The following MEIOSIN variants were observed in gnomAD, a reference collection of about 807,000 sequenced individuals.
MEIOSIN encodes the protein meiosis initiator, also known as meiosis initiator protein.
MEIOSIN carries 18 observed loss-of-function variants against 23.4 expected under a neutral mutation model. The observed-to-expected ratio is 0.77, with a 90% CI of 0.53 to 1.14. The LOEUF (loss-of-function observed/expected upper bound fraction) is 1.14. MEIOSIN is among the 50% of genes most tolerant of loss of function. The probability of loss-of-function intolerance (pLI) is 0.00; values close to 1 mark genes in which losing one functional copy is unlikely to be tolerated. For synonymous variants in MEIOSIN, 187 were observed against 100.6 expected, an observed-to-expected ratio of 1.86 and a Z score of -5.14; for missense variants, 428 against 242.9, an observed-to-expected ratio of 1.76 and a Z score of -5.07.
chr19:45,750,772 A>T lies in MEIOSIN; in HGVS notation c.404A>T (p.Glu135Val), dbSNP rs1347394447. ...ALFKCHITTGEGGLAGLGQKP... is the reference protein window; with the variant it reads ...ALFKCHITTGVGGLAGLGQKP... Reference sequence around the variant, plus strand: ...TTCAAATGCCACATCACCACTGGGGAAGGTGGACTTGCGGGTAAGTAGTTC... The same window carrying T: ...TTCAAATGCCACATCACCACTGGGGTAGGTGGACTTGCGGGTAAGTAGTTC... The change falls in exon 5 of 15, where the codon GAA becomes GTA. Residue 135 changes from glutamate (E) to valine (V), a missense_variant. Physicochemically the swap from Glu to Val is moderately radical, Grantham distance 121. Transcript: ENST00000457052. 3.2e-6 allele frequency: 2 copies of T among 625,308 alleles called. No homozygotes were observed. The highest frequency in any genetic ancestry group is 5.7e-6 in the Non-Finnish European group (2 of 353,586). 38.7% of individuals were successfully genotyped at this position (625,308 alleles called of 1,614,324 possible).
intron 11 of MEIOSIN, among the ~76,000 whole-genome samples, chr19:45,760,938 AG>A (rs1306706735): frequency 2.0e-4 from 18 of 88,584 alleles, no homozygotes; most frequent in African/African-American, 5.0e-4. Context: ...AAAAAAAAAA[AG>A]AAAGAAAAGA....
At chr19:45,737,324 C>T (rs1600373793) in intron 2 of MEIOSIN, among the ~76,000 whole-genome samples, 1 of 152,028 alleles carries the variant, frequency 6.6e-6, no homozygotes, top group East Asian at 1.9e-4. Flanking sequence ...GGACCATAGG[C>T]GTGCACCACC....
chr19:45,760,681 C>A (rs1206534872), intron 11 of MEIOSIN, among the ~76,000 whole-genome samples: 1 of 150,678 alleles, frequency 6.6e-6, no homozygotes, highest in Admixed American at 6.6e-5. Flanking sequence ...ATACTTCTAG[C>A]ACTTTGGGAG....
intron 5 of MEIOSIN, 78 bp downstream of exon 5, chr19:45,750,864 C>A: frequency 2.1e-6 from 1 of 487,092 alleles, no homozygotes; most frequent in Non-Finnish European, 3.6e-6. Flanking sequence ...ACTGAGTGAC[C>A]CTTCTGTCAA....
rs199928392 is a variant in MEIOSIN at position 45,739,747 on chromosome 19, A to G, written c.176+17A>G. 69 of 703,358 alleles carry G rather than the reference A, an allele frequency of 9.8e-5. No homozygotes were observed. The highest frequency in any genetic ancestry group is 2.3e-5 in the Non-Finnish European group (9 of 385,052). The allele number at this position is 703,358 out of a possible 1,614,324, so 43.6% of individuals were successfully genotyped here. A position where few individuals can be genotyped will look rare whatever the true frequency, so the allele number is the denominator to read the frequency against. On this transcript the variant is annotated intron_variant, in intron 3 of 14. Coordinates refer to ENST00000457052, the MANE Select transcript of MEIOSIN (RefSeq NM_001310124.2). ...AAAACTGAGGTACTGTTAACAGAAAAGGGGGGATTGGATGTTGGCCAAGCA... is the reference window on the plus strand; with the variant it reads ...AAAACTGAGGTACTGTTAACAGAAAGGGGGGGATTGGATGTTGGCCAAGCA...
intron 3 of MEIOSIN, among the ~76,000 whole-genome samples, chr19:45,740,506 T>C (rs1259401998): frequency 6.6e-6 from 1 of 152,084 alleles, no homozygotes; most frequent in Non-Finnish European, 1.5e-5. Context: ...ATCCCAAAAC[T>C]TTGGGAGGCC....
intron 11 of MEIOSIN, 67 bp from the exon 12 acceptor site, chr19:45,761,612 C>A: frequency 1.5e-6 from 1 of 650,126 alleles, no homozygotes. Context: ...CCTAGAAAAG[C>A]AGTACTGGGG....
At chr19:45,757,118 C>T in intron 8 of MEIOSIN, 59 bp from the exon 9 acceptor site, 2 of 694,956 alleles carry the variant, frequency 2.9e-6, no homozygotes, top group Non-Finnish European at 5.3e-6. Flanking sequence ...CAAAGGGGCC[C>T]CATAGCAGTT....
chr19:45,746,777 C>G (rs1242793566), intron 4 of MEIOSIN, among the ~76,000 whole-genome samples: 2 of 150,982 alleles, frequency 1.3e-5, no homozygotes, highest in African/African-American at 4.9e-5. Flanking sequence ...TCCGAGATCG[C>G]GCCATTGCAC....
At chr19:45,734,507 T>C (rs1968377269) in intron 1 of MEIOSIN, among the ~76,000 whole-genome samples, 1 of 149,226 alleles carries the variant, frequency 6.7e-6, no homozygotes, top group Non-Finnish European at 1.5e-5. Flanking sequence ...GGAGGGCTCC[T>C]TTTTTTTTGT....
intron 9 of MEIOSIN, among the ~76,000 whole-genome samples, chr19:45,758,034 G>C (rs1968866145): frequency 6.7e-6 from 1 of 148,216 alleles, no homozygotes; most frequent in African/African-American, 2.5e-5. Context: ...TTTCACTCTT[G>C]TCTCCCAGGC....
intron 9 of MEIOSIN, among the ~76,000 whole-genome samples, chr19:45,758,543 C>T (rs1968879346): frequency 6.6e-6 from 1 of 152,084 alleles, no homozygotes; most frequent in African/African-American, 2.4e-5. Context: ...ATTCTCCTTC[C>T]TCAGCCTCCT....
chr19:45,764,493 T>C lies in MEIOSIN; in HGVS notation c.*375T>C, dbSNP rs1408020037. ...CCTCTCCTGTTCTATTTTTAGACTATTTATTGTTTTAAATAAAATAAAGCA... is the reference window on the plus strand; with the variant it reads ...CCTCTCCTGTTCTATTTTTAGACTACTTATTGTTTTAAATAAAATAAAGCA... On this transcript the variant is annotated 3_prime_UTR_variant, in exon 15 of 15. Coordinates refer to ENST00000457052, the MANE Select transcript of MEIOSIN (RefSeq NM_001310124.2). 1 of 183,180 alleles carries C rather than the reference T, an allele frequency of 5.5e-6. No individual in the cohort carries two copies. The highest frequency in any genetic ancestry group is 2.3e-5 in the African/African-American group (1 of 42,808). 11.3% of individuals were successfully genotyped at this position (183,180 alleles called of 1,614,324 possible). A position where few individuals can be genotyped will look rare whatever the true frequency, so the allele number is the denominator to read the frequency against.
Position 45,753,673 on chromosome 19 carries a change from G to T in MEIOSIN, c.441G>T (p.Trp147Cys). 1.4e-6 allele frequency: 1 copy of T among 702,814 alleles called. No homozygotes were observed. Among genetic ancestry groups the T allele is most frequent in the Non-Finnish European group, 2.6e-6 (1 of 384,902 alleles). The allele number at this position is 702,814 out of a possible 1,614,324, so 43.5% of individuals were successfully genotyped here. ...GLAGLGQKPA[W>C]GPARRRRHST... is the part of the protein sequence containing the mutation. ...CAGGGCTGGGTCAGAAACCAGCCTG[G>T]GGCCCAGCCAGGCGGAGGAGACACT... The change falls in exon 6 of 15, where the codon TGG (tryptophan) becomes TGT (cysteine). Residue 147 changes from tryptophan to cysteine, a missense_variant. Transcript: ENST00000457052.
At chr19:45,755,946 T>C (rs1234802377) in intron 7 of MEIOSIN, 24 bp from the exon 8 acceptor site, 1 of 700,212 alleles carries the variant, frequency 1.4e-6, no homozygotes, top group Admixed American at 2.0e-5. Context: ...TCCCCAGGCA[T>C]GGTCATCCTG....
intron 11 of MEIOSIN, among the ~76,000 whole-genome samples, chr19:45,761,095 T>A (rs746854086): frequency 6.6e-6 from 1 of 150,618 alleles, no homozygotes; most frequent in Non-Finnish European, 1.5e-5. Flanking sequence ...AGCTGGTTTT[T>A]TAAATTATTT....
chr19:45,758,741 C>T, intron 9 of MEIOSIN, 137 bp from the exon 10 acceptor site: 2 of 604,962 alleles, frequency 3.3e-6, no homozygotes, highest in Non-Finnish European at 5.9e-6. Flanking sequence ...CTCTTCATTT[C>T]TGTGATCAAG....
chr19:45,760,573 T>C (rs1278597202), intron 11 of MEIOSIN, among the ~76,000 whole-genome samples: 1 of 151,150 alleles, frequency 6.6e-6, no homozygotes, highest in African/African-American at 2.4e-5. Context: ...ACCGTTGGAC[T>C]GCAGCCTGGG....
intron 2 of MEIOSIN, among the ~76,000 whole-genome samples, chr19:45,736,774 T>C (rs1016171651): frequency 1.1e-4 from 16 of 151,620 alleles, no homozygotes; most frequent in African/African-American, 3.4e-4. Flanking sequence ...GGTTTCACCA[T>C]GTTAGCCAGG....
Sources: gnomAD v4.1 joint callset for allele counts (sites outside exome capture counted in the v4.1 genomes callset) on GRCh38, gnomAD v4.1.1 for gene constraint, MANE v1.5 for transcripts, NCBI Gene and HGNC (gene_info 2026-07-23, HGNC 2026-07-21) for gene names.